SARDH: variants seen among roughly 807,000 people sequenced by gnomAD.
SARDH encodes the protein sarcosine dehydrogenase, mitochondrial.
SARDH carries 95 observed loss-of-function variants against 109.1 expected under a neutral mutation model. The ratio of observed to expected loss-of-function variants is 0.87; its 90% CI spans 0.74 to 1.03. SARDH has a LOEUF of 1.03. Ranked by LOEUF, SARDH falls within the 50% of genes least tolerant of loss-of-function variation. The pLI is 0.00. For synonymous variants in SARDH, 572 were observed against 534.8 expected (o/e 1.07, Z -0.96); for missense variants, 1,267 against 1,287.8 (o/e 0.98, Z 0.25).
chr9:133,708,388 G>C lies in SARDH; in HGVS notation c.1369C>G (p.Arg457Gly). The C allele has an allele frequency of 3.1e-6, 5 of 1,612,654 alleles. No homozygotes were observed. The highest frequency in any genetic ancestry group is 4.2e-6 in the Non-Finnish European group (5 of 1,179,590). Reference protein sequence around the residue: ...HSLTDHPRWIRERSHESYAKN... With the variant: ...HSLTDHPRWIGERSHESYAKN... ...GCGTAGGACTCATGGCTTCGCTCTC[G>C]GATCCAGCGGGGGTGGTCCGTGAGC... The change falls in exon 11 of 21, where the codon CGA becomes GGA. Residue 457 changes from arginine to glycine, a missense_variant. Coordinates refer to ENST00000439388, the MANE Select transcript of SARDH (RefSeq NM_001134707.2).
At chr9:133,723,928 T>C (rs1832407016) in intron 6 of SARDH, among the ~76,000 whole-genome samples, 1 of 152,098 alleles carries the variant, frequency 6.6e-6, no homozygotes, top group South Asian at 2.1e-4. Context: ...CCTCACACCA[T>C]GCACAAAATT....
intron 13 of SARDH, among the ~76,000 whole-genome samples, 190 bp downstream of exon 13, chr9:133,702,726 G>A (rs1234932777): frequency 6.6e-6 from 1 of 152,208 alleles, no homozygotes; most frequent in African/African-American, 2.4e-5. Context: ...TCGGCACAGA[G>A]GGAGGAGGGG....
Position 133,696,359 on chromosome 9 carries a change from G to C in SARDH, c.1671C>G (p.Ile557Met). The C allele has an allele frequency of 6.2e-7, 1 of 1,614,008 alleles. No homozygotes were observed. The highest frequency in any genetic ancestry group is 8.5e-7 in the Non-Finnish European group (1 of 1,180,028). ...CTCTGCAGGCCAGGCACTCCTTCTT[G>C]ATCTGAAAAGTTCCAGACAGGTGGG... ...TFAFPPHHDT[I>M]KKECLACRGA... The change falls in exon 14 of 21, where the codon ATC becomes ATG. Residue 557 changes from isoleucine to methionine, a missense_variant and splice_region_variant. Ile to Met is a conservative substitution (Grantham distance 10, BLOSUM62 1). Coordinates refer to ENST00000439388, the MANE Select transcript of SARDH (RefSeq NM_001134707.2).
chr9:133,677,081 G>T (rs1402649532), intron 17 of SARDH, among the ~76,000 whole-genome samples: 2 of 152,188 alleles, frequency 1.3e-5, no homozygotes, highest in Non-Finnish European at 1.5e-5. Context: ...GGAGGCTGTA[G>T]CGAGCCAAGG....
At chr9:133,727,961 A>C (rs1832550464) in intron 6 of SARDH, among the ~76,000 whole-genome samples, 3 of 151,996 alleles carry the variant, frequency 2.0e-5, no homozygotes, top group Admixed American at 2.0e-4. Flanking sequence ...GCCCCAGGAC[A>C]CAGCTCTGCC....
At chr9:133,677,468 G>C (rs573400876) in intron 17 of SARDH, among the ~76,000 whole-genome samples, 1 of 152,306 alleles carries the variant, frequency 6.6e-6, no homozygotes, top group African/African-American at 2.4e-5. Flanking sequence ...AGCTGAGAGG[G>C]AGGAAGACCA....
At chr9:133,660,760 T>G (rs972973544), downstream of SARDH, among the ~76,000 whole-genome samples, 2 of 152,140 alleles carry the variant, frequency 1.3e-5, no homozygotes, top group African/African-American at 2.4e-5. Context: ...GGAATGCTCA[T>G]GCCCATCAGT....
intron 8 of SARDH, among the ~76,000 whole-genome samples, chr9:133,715,863 C>T (rs890577871): frequency 6.6e-6 from 1 of 152,240 alleles, no homozygotes; most frequent in Non-Finnish European, 1.5e-5. Context: ...AGAGGGCACC[C>T]ATTCCAGTGC....
chr9:133,717,327 AGGGCCGCAGACCGT>A lies in SARDH; in HGVS notation c.1135_1148del (p.Thr379Ter), dbSNP rs1832161340. Reference sequence around the variant, plus strand: ...CCCAGCTCCGAGGCTGTCACTCACCAGGGCCGCAGACCGTGGACTTGATTCCTGTCTTCTCCAGC... The same window carrying A: ...CCCAGCTCCGAGGCTGTCACTCACCAGGACTTGATTCCTGTCTTCTCCAGC... On this transcript the variant is annotated frameshift_variant and splice_region_variant, in exon 8 of 21. Transcript: ENST00000439388. LOFTEE classifies it high-confidence loss of function. 1.2e-6 allele frequency: 2 copies of A among 1,613,684 alleles called. No individual in the cohort carries two copies. The highest frequency in any genetic ancestry group is 1.7e-6 in the Non-Finnish European group (2 of 1,179,850).
At chr9:133,722,423 T>C (rs1040766821) in intron 6 of SARDH, among the ~76,000 whole-genome samples, 1 of 152,168 alleles carries the variant, frequency 6.6e-6, no homozygotes, top group Admixed American at 6.5e-5. Context: ...GGAAGAAGGA[T>C]GGCTGATTTC....
Position 133,670,736 on chromosome 9 carries a change from G to T in SARDH, c.2343C>A (p.His781Gln), listed in dbSNP as rs781781380. The change falls in exon 19 of 21, where the codon CAC (histidine) becomes CAA (glutamine). Residue 781 changes from histidine (H) to glutamine (Q), a missense_variant. Coordinates refer to ENST00000439388, the MANE Select transcript of SARDH (RefSeq NM_001134707.2). ...GGCTGTCGTCTGGCCGCAGGTCCGC[G>T]TGCCAGTGCCGGTAGCCTGTGGGAA... is the stretch of plus-strand genomic sequence containing the variant. ...LSIEKGYRHW[H>Q]ADLRPDDSPL... is the part of the protein sequence containing the mutation. 1 of 1,585,076 alleles carries T rather than the reference G, an allele frequency of 6.3e-7. No homozygotes were observed. The highest frequency in any genetic ancestry group is 8.6e-7 in the Non-Finnish European group (1 of 1,166,982).
In SARDH at chr9:133,712,249, A is replaced by G. The variant is rs1831949307; in HGVS notation, c.1328+370T>C. Among the ~76,000 whole-genome samples the G allele has an allele frequency of 6.6e-6, 1 of 152,130 alleles. No individual in the cohort carries two copies. Among genetic ancestry groups the G allele is most frequent in the Non-Finnish European group, 1.5e-5 (1 of 68,014 alleles). On this transcript the variant is annotated intron_variant, in intron 10 of 20. Transcript: ENST00000439388. This position sits in a 1 kb window ranked among gnomAD's most constrained non-coding sequence, Gnocchi z 4.1. Reference sequence around the variant, plus strand: ...GGGACAGCCGGGGCTGCCTGGCTGCAAGCCGCGGCATACACACTCAGCACA... The same window carrying G: ...GGGACAGCCGGGGCTGCCTGGCTGCGAGCCGCGGCATACACACTCAGCACA...
intron 3 of SARDH, among the ~76,000 whole-genome samples, chr9:133,732,169 T>A (rs1832707160): frequency 6.6e-6 from 1 of 152,026 alleles, no homozygotes; most frequent in Admixed American, 6.5e-5. Flanking sequence ...TGTCCCCTTC[T>A]CTCGCGGCAG....
At chr9:133,715,617 C>T (rs77665633) in intron 8 of SARDH, among the ~76,000 whole-genome samples, 3,021 of 152,290 alleles carry the variant, frequency 0.02, 37 homozygotes, top group South Asian at 0.042. Context: ...CTGGACTCCT[C>T]GGTGGCCACA....
At chr9:133,696,964 G>T (rs1196146656) in intron 13 of SARDH, among the ~76,000 whole-genome samples, 3 of 152,066 alleles carry the variant, frequency 2.0e-5, no homozygotes, top group African/African-American at 7.2e-5. Flanking sequence ...GGAATGAAAT[G>T]TTAGAACAGA....
chr9:133,672,352 T>C (rs755546188), intron 17 of SARDH, among the ~76,000 whole-genome samples: 10 of 152,220 alleles, frequency 6.6e-5, no homozygotes, highest in Admixed American at 2.0e-4. Flanking sequence ...AAGGCCCCAT[T>C]CACAGGTTCT....
chr9:133,735,476 G>A (rs1382993601), intron 1 of SARDH, among the ~76,000 whole-genome samples: 2 of 152,208 alleles, frequency 1.3e-5, no homozygotes, highest in South Asian at 2.1e-4. Context: ...TGATGAAGAC[G>A]GATGTCTCCT....
intron 8 of SARDH, among the ~76,000 whole-genome samples, chr9:133,714,734 C>T (rs1034871446): frequency 1.4e-4 from 22 of 152,126 alleles, no homozygotes; most frequent in African/African-American, 4.1e-4. Context: ...GAGCCAAAAT[C>T]GCACCACTGC....
At position 133,666,509 on chromosome 9, in the gene SARDH, CCCTCCTCCTCCTCCTT is replaced by C. The variant is rs1358125457; in HGVS notation, c.2631+210_2631+225del. On this transcript the variant is annotated intron_variant, in intron 20 of 20. Coordinates refer to ENST00000439388, the MANE Select transcript of SARDH (RefSeq NM_001134707.2). The surrounding 1 kb of genome is among the most constrained non-coding windows in gnomAD (Gnocchi z 5.2). ...CTCCTTCTCCCTCCCTCCTCCCTCT[CCCTCCTCCTCCTCCTT>C]CCTCTCTCCCCTTTTTCCTTCCCCC... Among the ~76,000 whole-genome samples, 44 of 149,170 alleles carry C rather than the reference CCCTCCTCCTCCTCCTT, an allele frequency of 2.9e-4. No individual in the cohort carries two copies. Among genetic ancestry groups the C allele is most frequent in the African/African-American group, 1.1e-3 (44 of 40,744 alleles).
Sources: allele counts gnomAD v4.1 joint callset (sites outside exome capture counted in the v4.1 genomes callset), GRCh38; gene constraint gnomAD v4.1.1; non-coding constraint Gnocchi (gnomAD v3.1); transcripts MANE v1.5; gene names NCBI Gene and HGNC (gene_info 2026-07-23, HGNC 2026-07-21).